Variants in FOXO3B observed in about 807,000 individuals in gnomAD.
FOXO3B encodes forkhead box protein O3B.
FOXO3B carries 15 observed loss-of-function variants against 21.9 expected under a neutral mutation model. The observed-to-expected ratio is 0.68, with a 90% CI of 0.46 to 1.05. FOXO3B has a LOEUF of 1.05. Ranked by LOEUF, FOXO3B falls within the 50% of genes least tolerant of loss-of-function variation. The pLI, the probability that FOXO3B is intolerant of heterozygous loss-of-function variation, is 0.00. For missense variants in FOXO3B, 293 were observed against 435.5 expected (o/e 0.67, Z 2.91); for synonymous variants, 135 against 213.6 (o/e 0.63, Z 3.21).
At position 18,670,522 on chromosome 17, in the gene FOXO3B, A is replaced by C. The variant is rs1235933002; in HGVS notation, c.*1787T>G. On this transcript the variant is annotated 3_prime_UTR_variant, in exon 4 of 4. Transcript: ENST00000395675. ...AAGTCAAAGGAAAACAAACACAAGA[A>C]CAACACTTAAAACATCCCATAAACC... Among the ~76,000 whole-genome samples, 1 of 152,250 alleles carries C rather than the reference A, an allele frequency of 6.6e-6. No individual in the cohort carries two copies. The highest frequency in any genetic ancestry group is 1.5e-5 in the Non-Finnish European group (1 of 68,048).
At chr17:18,680,969 T>G in intron 2 of FOXO3B, 140 bp from the exon 3 acceptor site, 2 of 640,222 alleles carry the variant, frequency 3.1e-6, no homozygotes, top group Non-Finnish European at 5.6e-6. Context: ...ACCGACCTCC[T>G]CCCAGGACCC....
chr17:18,677,698 G>A (rs1266081931), intron 3 of FOXO3B: 11 of 1,601,428 alleles, frequency 6.9e-6, no homozygotes, highest in African/African-American at 4.1e-5. Context: ...GCTGGCGAGC[G>A]CGATAAGAAG....
Position 18,681,826 on chromosome 17 carries a change from TCAGTCCTACGGCGCTG to T in FOXO3B, c.-191_-176del, listed in dbSNP as rs1450787817. 1.7e-6 allele frequency: 1 copy of T among 587,602 alleles called. No homozygotes were observed. The highest frequency in any genetic ancestry group is 1.9e-5 in the African/African-American group (1 of 52,940). The allele number at this position is 587,602 out of a possible 1,614,324, so 36.4% of individuals were successfully genotyped here. A position where few individuals can be genotyped will look rare whatever the true frequency, so the allele number is the denominator to read the frequency against. On this transcript the variant is annotated 5_prime_UTR_variant, in exon 2 of 4. The change creates a premature stop within an existing upstream ORF in the 5' untranslated region. Coordinates refer to ENST00000395675, the MANE Select transcript of FOXO3B (RefSeq NM_001368135.1). ...TCTCTTTCTCACCGTGGAGTCTGCC[TCAGTCCTACGGCGCTG>T]GAGCCTGGAAGCCCGGGGACAGCAT...
In FOXO3B at chr17:18,671,587, G is replaced by C. The variant is rs926906134; in HGVS notation, c.*722C>G. On this transcript the variant is annotated 3_prime_UTR_variant, in exon 4 of 4. Transcript: ENST00000395675. ...TTGTTCTCTTGGATGGTCTGCATGG[G>C]AGACTGGCGTAGGGAGTTCAGAGAT... 6.2e-7 allele frequency: 1 copy of C among 1,613,484 alleles called. No individual in the cohort carries two copies. The highest frequency in any genetic ancestry group is 8.5e-7 in the Non-Finnish European group (1 of 1,179,832).
rs1239483933 is a variant in FOXO3B at position 18,672,207 on chromosome 17, C to T, written c.*102G>A. 1.2e-6 allele frequency: 2 copies of T among 1,613,680 alleles called. No homozygotes were observed. Among genetic ancestry groups the T allele is most frequent in the Non-Finnish European group, 8.5e-7 (1 of 1,179,620 alleles). On this transcript the variant is annotated 3_prime_UTR_variant, in exon 4 of 4. Transcript: ENST00000395675. This position sits in a 1 kb window ranked among gnomAD's most constrained non-coding sequence, Gnocchi z 4.2. ...GCCGGGGGGCTTTTCCGCTCTTCCC[C>T]CCATCAGGGTTGATGATCCACCAAG...
chr17:18,671,440 C>T lies in FOXO3B; in HGVS notation c.*869G>A, dbSNP rs2032361637. The T allele has an allele frequency of 3.8e-6, 6 of 1,575,130 alleles. No individual in the cohort carries two copies. The highest frequency in any genetic ancestry group is 2.2e-5 in the East Asian group (1 of 44,584). The stretch of plus-strand genomic sequence containing the variant: ...TTCTGGGCAGACACAGCGGTGCTGG[C>T]CTGAGACATCAAGGGGTCCGACTGT... On this transcript the variant is annotated 3_prime_UTR_variant, in exon 4 of 4. Coordinates refer to ENST00000395675, the MANE Select transcript of FOXO3B (RefSeq NM_001368135.1).
At chr17:18,673,188 C>T in intron 3 of FOXO3B, 133 bp from the exon 4 acceptor site, 2 of 1,224,360 alleles carry the variant, frequency 1.6e-6, no homozygotes, top group Non-Finnish European at 2.1e-6. Context: ...GGAGACCATA[C>T]TTCTTAATAA....
Position 18,670,830 on chromosome 17 carries a change from C to A in FOXO3B, c.*1479G>T, listed in dbSNP as rs2032350390. 6.7e-7 allele frequency: 1 copy of A among 1,495,288 alleles called. No homozygotes were observed. Among genetic ancestry groups the A allele is most frequent in the South Asian group, 1.3e-5 (1 of 78,814 alleles). 92.6% of individuals were successfully genotyped at this position (1,495,288 alleles called of 1,614,324 possible). ...GTCCACTTGCTGAGAGCAGATTTGGCAAAGGGTTTTCTCTGTAGGTCTTGT... is the reference window on the plus strand; with the variant it reads ...GTCCACTTGCTGAGAGCAGATTTGGAAAAGGGTTTTCTCTGTAGGTCTTGT... On this transcript the variant is annotated 3_prime_UTR_variant, in exon 4 of 4. Transcript: ENST00000395675.
In FOXO3B at chr17:18,670,562, A is replaced by C. The variant is rs559465083; in HGVS notation, c.*1747T>G. Among the ~76,000 whole-genome samples the C allele has an allele frequency of 8.1e-4, 123 of 152,344 alleles. No individual in the cohort carries two copies. Among genetic ancestry groups the C allele is most frequent in the African/African-American group, 2.6e-3 (108 of 41,574 alleles). The stretch of plus-strand genomic sequence containing the variant: ...TCCCATAAACCATCGCAATATTAAA[A>C]CACCACAGAATGGCCGAAGAGGGCT... On this transcript the variant is annotated 3_prime_UTR_variant, in exon 4 of 4. Coordinates refer to ENST00000395675, the MANE Select transcript of FOXO3B (RefSeq NM_001368135.1).
Position 18,670,650 on chromosome 17 carries a change from C to A in FOXO3B, c.*1659G>T, listed in dbSNP as rs1324568100. Among the ~76,000 whole-genome samples, 1 of 152,168 alleles carries A rather than the reference C, an allele frequency of 6.6e-6. No individual in the cohort carries two copies. Among genetic ancestry groups the A allele is most frequent in the Non-Finnish European group, 1.5e-5 (1 of 68,040 alleles). On this transcript the variant is annotated 3_prime_UTR_variant, in exon 4 of 4. Transcript: ENST00000395675. ...GGTGCTGTCCTCCACTGGCAGGCGG[C>A]TCACCACCCTGTACAAAGAAGATTT... is the stretch of plus-strand genomic sequence containing the variant.
rs2032301792 is a variant in FOXO3B at position 18,668,146 on chromosome 17, C to T, written c.*4163G>A. On this transcript the variant is annotated 3_prime_UTR_variant, in exon 4 of 4. Coordinates refer to ENST00000395675, the MANE Select transcript of FOXO3B (RefSeq NM_001368135.1). Reference sequence around the variant, plus strand: ...TGGCTGAGGGTGAGGGTGCCGGGACCCTACACAGGCTTCACTACCAGATTC... The same window carrying T: ...TGGCTGAGGGTGAGGGTGCCGGGACTCTACACAGGCTTCACTACCAGATTC... The T allele has an allele frequency of 6.6e-6, 1 of 152,392 alleles. No homozygotes were observed. 9.4% of individuals were successfully genotyped at this position (152,392 alleles called of 1,614,324 possible).
Position 18,673,782 on chromosome 17 carries a change from ATG to A in FOXO3B, c.127-729_127-728del, listed in dbSNP as rs2032423356. Among the ~76,000 whole-genome samples, 3 of 152,066 alleles carry A rather than the reference ATG, an allele frequency of 2.0e-5. No homozygotes were observed. In the South Asian group the frequency reaches 6.2e-4, roughly 32 times the overall value. ...TATCAGTCTCACTACAATGTTGAGA[ATG>A]AAGTATATGAGGGCAAAGGCGGAAT... On this transcript the variant is annotated intron_variant, in intron 3 of 3. Coordinates refer to ENST00000395675, the MANE Select transcript of FOXO3B (RefSeq NM_001368135.1).
At chr17:18,678,403 G>GA (rs1199071364) in intron 3 of FOXO3B, among the ~76,000 whole-genome samples, 3 of 151,928 alleles carry the variant, frequency 2.0e-5, no homozygotes, top group Non-Finnish European at 4.4e-5. Flanking sequence ...CAAAAAATGT[G>GA]AAAAAATATA....
At chr17:18,673,926 G>C (rs762570738) in intron 3 of FOXO3B, among the ~76,000 whole-genome samples, 1 of 147,698 alleles carries the variant, frequency 6.8e-6, no homozygotes, top group African/African-American at 2.7e-5. Flanking sequence ...GAGAGAGGGG[G>C]TGATGTAAAG....
rs2032376131 is a variant in FOXO3B at position 18,671,995 on chromosome 17, G to A, written c.*314C>T. The A allele has an allele frequency of 1.2e-6, 2 of 1,612,294 alleles. No individual in the cohort carries two copies. The highest frequency in any genetic ancestry group is 1.1e-5 in the South Asian group (1 of 90,862). ...TGTGCTGGCGTTAGAATTGGTGCGT[G>A]AACGGAAGTCCGTCCACGCATCCAG... is the stretch of plus-strand genomic sequence containing the variant. On this transcript the variant is annotated 3_prime_UTR_variant, in exon 4 of 4. Coordinates refer to ENST00000395675, the MANE Select transcript of FOXO3B (RefSeq NM_001368135.1).
In FOXO3B at chr17:18,673,067, CGAGAGAA is replaced by C; in HGVS notation, c.127-19_127-13del. ...GCCGCCGCCGCCGCCTGGGGAAGCA[CGAGAGAA>C]GAGAGAAGGAGAGTTGGTTATCCCC... On this transcript the variant is annotated splice_polypyrimidine_tract_variant and intron_variant, in intron 3 of 3. Coordinates refer to ENST00000395675, the MANE Select transcript of FOXO3B (RefSeq NM_001368135.1). 2.7e-6 allele frequency: 4 copies of C among 1,462,214 alleles called. No individual in the cohort carries two copies. Among genetic ancestry groups the C allele is most frequent in the Non-Finnish European group, 3.6e-6 (4 of 1,111,790 alleles). The allele number at this position is 1,462,214 out of a possible 1,614,324, so 90.6% of individuals were successfully genotyped here. A position where few individuals can be genotyped will look rare whatever the true frequency, so the allele number is the denominator to read the frequency against.
At chr17:18,673,446 A>T (rs1025325166) in intron 3 of FOXO3B, among the ~76,000 whole-genome samples, 1 of 152,060 alleles carries the variant, frequency 6.6e-6, no homozygotes, top group African/African-American at 2.4e-5. Flanking sequence ...ATAGCTTGAA[A>T]TTTTTCTGTT....
chr17:18,670,238 C>T lies in FOXO3B; in HGVS notation c.*2071G>A, dbSNP rs1052917991. On this transcript the variant is annotated 3_prime_UTR_variant, in exon 4 of 4. Transcript: ENST00000395675. Reference sequence around the variant, plus strand: ...TGCATGGTTCAGTCCTGGACGGGTGCGCATAGCAAACAATTGTGCCATTGT... The same window carrying T: ...TGCATGGTTCAGTCCTGGACGGGTGTGCATAGCAAACAATTGTGCCATTGT... 9.9e-5 allele frequency among the ~76,000 whole-genome samples: 15 copies of T among 152,142 alleles called. No individual in the cohort carries two copies. The highest frequency in any genetic ancestry group is 2.2e-4 in the African/African-American group (9 of 41,422).
Position 18,673,056 on chromosome 17 carries a change from C to T in FOXO3B, c.127-1G>A. ...CGGGCGCCGCCGCCGCCGCCGCCGC[C>T]TGGGGAAGCACGAGAGAAGAGAGAA... On this transcript the variant is annotated splice_acceptor_variant, in intron 3 of 3. Transcript: ENST00000395675. LOFTEE classifies it high-confidence loss of function. 1 of 1,462,196 alleles carries T rather than the reference C, an allele frequency of 6.8e-7. No individual in the cohort carries two copies. The highest frequency in any genetic ancestry group is 9.0e-7 in the Non-Finnish European group (1 of 1,110,820). The allele number at this position is 1,462,196 out of a possible 1,614,324, so 90.6% of individuals were successfully genotyped here.
Sources: gnomAD v4.1 joint callset for allele counts (sites outside exome capture counted in the v4.1 genomes callset) on GRCh38, gnomAD v4.1.1 for gene constraint, Gnocchi (gnomAD v3.1) non-coding constraint, MANE v1.5 for transcripts, NCBI Gene and HGNC (gene_info 2026-07-23, HGNC 2026-07-21) for gene names.